The following DST variants were observed in gnomAD, a reference collection of about 807,000 sequenced individuals.
The protein encoded by DST is bullous pemphigoid antigen.
DST carries 253 observed loss-of-function variants against 875.2 expected under a neutral mutation model. That is an observed-to-expected ratio of 0.29 (90% CI 0.26 to 0.32). The LOEUF (loss-of-function observed/expected upper bound fraction) is 0.32, where lower values mean the gene tolerates loss of function less well. Ranked by LOEUF, DST falls within the 10% of genes least tolerant of loss-of-function variation. DST has a pLI of 1.00. For synonymous variants in DST, 3,124 were observed against 3,197.1 expected (o/e 0.98, Z 0.77); for missense variants, 8,287 against 9,111.6 (o/e 0.91, Z 3.68).
chr6:56,579,500 G>A (rs1372317604), intron 49 of DST, among the ~76,000 whole-genome samples: 1 of 152,090 alleles, frequency 6.6e-6, no homozygotes, highest in Non-Finnish European at 1.5e-5. Flanking sequence ...GGATTTTATG[G>A]TTCGAGGCAG....
At position 56,628,106 on chromosome 6, in the gene DST, G is replaced by T; in HGVS notation, c.4531C>A (p.His1511Asn). 1 of 1,613,664 alleles carries T rather than the reference G, an allele frequency of 6.2e-7. No homozygotes were observed. The highest frequency in any genetic ancestry group is 1.1e-5 in the South Asian group (1 of 91,066). The change falls in exon 33 of 104, where the codon CAT (histidine) becomes AAT (asparagine). Residue 1511 changes from histidine to asparagine, a missense_variant. By Grantham distance (68) the His-to-Asn change is moderately conservative (BLOSUM62 1). Transcript: ENST00000680361. ...TGCTGGATCCAATCATCTAAAGGATGGTAAGTGTCTCTGTAGTACTTCAGT... is the reference window on the plus strand; with the variant it reads ...TGCTGGATCCAATCATCTAAAGGATTGTAAGTGTCTCTGTAGTACTTCAGT... ...KSLKYYRDTY[H>N]PLDDWIQQVE...
intron 63 of DST, among the ~76,000 whole-genome samples, chr6:56,533,003 T>C (rs1176379562): frequency 6.6e-6 from 1 of 152,160 alleles, no homozygotes; most frequent in Non-Finnish European, 1.5e-5. Flanking sequence ...AGTTCACAAG[T>C]TAACAAGGCT....
At chr6:56,906,014 A>G (rs911270788) in intron 2 of DST, among the ~76,000 whole-genome samples, 4 of 152,196 alleles carry the variant, frequency 2.6e-5, no homozygotes, top group African/African-American at 9.6e-5. Flanking sequence ...TATCTTGGCT[A>G]CTGTGAAAAA....
rs376438027 is a variant in DST at position 56,560,319 on chromosome 6, T to C, written c.14415A>G (p.Arg4805=). ...EENPDTPEAP[R]WKQMLTEIDS... ...CTATTTCTGTCAACATCTGTTTCCA[T>C]CTGGGGGCCTCAGGAGTATCTGGGT... The change falls in exon 58 of 104, where the codon AGA becomes AGG. Residue 4805 remains arginine, a synonymous_variant. Coordinates refer to ENST00000680361, the MANE Select transcript of DST (RefSeq NM_001374736.1). The C allele has an allele frequency of 4.3e-6, 7 of 1,611,354 alleles. No homozygotes were observed. The highest frequency in any genetic ancestry group is 5.9e-6 in the Non-Finnish European group (7 of 1,178,668).
In DST at chr6:56,504,015, C is replaced by G. The variant is rs1238635699; in HGVS notation, c.19548G>C (p.Gln6516His). The change falls in exon 78 of 104, where the codon CAG becomes CAC. Residue 6516 changes from glutamine (Q) to histidine (H), a missense_variant. Transcript: ENST00000680361. Reference sequence around the variant, plus strand: ...CACATACCTTTAGCTCTTCAATCTGCTGCTTGACAGTTTCGAGATCTGTTC... The same window carrying G: ...CACATACCTTTAGCTCTTCAATCTGGTGCTTGACAGTTTCGAGATCTGTTC... ...PIGTDLETVKQQIEELKQFKS... is the reference protein window; with the variant it reads ...PIGTDLETVKHQIEELKQFKS... 6.2e-7 allele frequency: 1 copy of G among 1,608,210 alleles called. No individual in the cohort carries two copies. Among genetic ancestry groups the G allele is most frequent in the Non-Finnish European group, 8.5e-7 (1 of 1,177,550 alleles).
chr6:56,635,829 A>C (rs1563352235), intron 23 of DST, 115 bp from the exon 24 acceptor site: 1 of 1,098,892 alleles, frequency 9.1e-7, no homozygotes. Context: ...GAAGAGAATA[A>C]AAGCACAAGA....
At chr6:56,865,170 A>T (rs925827925) in intron 3 of DST, among the ~76,000 whole-genome samples, 4 of 152,186 alleles carry the variant, frequency 2.6e-5, no homozygotes, top group Admixed American at 2.6e-4. Flanking sequence ...CCTAACAGAA[A>T]CAGCCTAGCC....
chr6:56,827,176 G>C (rs1337011144), intron 4 of DST, among the ~76,000 whole-genome samples: 1 of 152,064 alleles, frequency 6.6e-6, no homozygotes, highest in Admixed American at 6.5e-5. Flanking sequence ...TTAAGTAAAG[G>C]TTAGGTCATC....
intron 4 of DST, among the ~76,000 whole-genome samples, chr6:56,762,904 G>A (rs1217414047): frequency 2.9e-5 from 4 of 139,750 alleles, no homozygotes; most frequent in African/African-American, 1.1e-4. Flanking sequence ...AGGCTGGAGT[G>A]CAACGGCGTG....
chr6:56,820,230 G>A (rs571105982), intron 4 of DST, among the ~76,000 whole-genome samples: 4 of 152,340 alleles, frequency 2.6e-5, no homozygotes, highest in African/African-American at 9.6e-5. Context: ...TCAAGTCATT[G>A]CTTTGAGGAT....
Position 56,828,860 on chromosome 6 carries a change from T to C in DST, c.625+22537A>G, listed in dbSNP as rs529692610. ...TTCTATAGTTCTGTACCCTATATTA[T>C]CCTATAGTTCTGTTAATGGGGAGGA... On this transcript the variant is annotated intron_variant, in intron 4 of 103. Coordinates refer to ENST00000680361, the MANE Select transcript of DST (RefSeq NM_001374736.1). Among the ~76,000 whole-genome samples, 215 of 152,260 alleles carry C rather than the reference T, an allele frequency of 1.4e-3. 1 individual carries two copies. Among genetic ancestry groups the C allele is most frequent in the African/African-American group, 4.9e-3 (204 of 41,550 alleles).
chr6:56,576,617 G>C (rs1330277677), intron 50 of DST, among the ~76,000 whole-genome samples: 2 of 152,168 alleles, frequency 1.3e-5, no homozygotes, highest in African/African-American at 4.8e-5. Context: ...GAAGTGTTCT[G>C]TGTCATGTTC....
chr6:56,484,122 T>A (rs2152425424), intron 88 of DST: 1 of 152,282 alleles, frequency 6.6e-6, no homozygotes, highest in East Asian at 1.9e-4. Context: ...GGCAATTACC[T>A]AGAGTAGTAA....
At chr6:56,632,151 A>C in intron 28 of DST, 111 bp from the exon 29 acceptor site, 1 of 734,570 alleles carries the variant, frequency 1.4e-6, no homozygotes, top group Non-Finnish European at 2.2e-6. Context: ...AGTCAAGCAA[A>C]TGATTCCTGT....
At chr6:56,778,280 G>A (rs895177141) in intron 4 of DST, among the ~76,000 whole-genome samples, 5 of 150,472 alleles carry the variant, frequency 3.3e-5, no homozygotes. Context: ...GTACAGAACT[G>A]AGGCAGAAAT....
chr6:56,946,062 T>C (rs575505567), intron 2 of DST, among the ~76,000 whole-genome samples: 54 of 152,166 alleles, frequency 3.5e-4, no homozygotes, highest in Non-Finnish European at 7.5e-4. Context: ...AAATTATATC[T>C]CAATAAAGCT....
Position 56,473,977 on chromosome 6 carries a change from T to C in DST, c.21890A>G (p.Lys7297Arg). The change falls in exon 93 of 104, where the codon AAA (lysine) becomes AGA (arginine). Residue 7297 changes from lysine (K) to arginine (R), a missense_variant. Coordinates refer to ENST00000680361, the MANE Select transcript of DST (RefSeq NM_001374736.1). ...HQTFMEEMTR[K>R]QPDVDKVTKT... ...CGTTACTTTATCAACATCAGGCTGTTTTCTGGTCATTTCCTCCATGAAGGT... is the reference window on the plus strand; with the variant it reads ...CGTTACTTTATCAACATCAGGCTGTCTTCTGGTCATTTCCTCCATGAAGGT... 6.3e-7 allele frequency: 1 copy of C among 1,579,152 alleles called. No homozygotes were observed. Among genetic ancestry groups the C allele is most frequent in the Non-Finnish European group, 8.6e-7 (1 of 1,160,194 alleles).
At position 56,645,046 on chromosome 6, in the gene DST, C is replaced by T. The variant is rs56903014; in HGVS notation, c.1778+820G>A. Among the ~76,000 whole-genome samples, 1,009 of 152,294 alleles carry T rather than the reference C, an allele frequency of 6.6e-3. 10 individuals carry two copies. Among genetic ancestry groups the T allele is most frequent in the African/African-American group, 0.023 (953 of 41,568 alleles). ...AAGATGTGACTTTGCTCCTCATTCG[C>T]CTTCCACCATGATTGTGAGGCCTCT... On this transcript the variant is annotated intron_variant, in intron 15 of 103. Transcript: ENST00000680361.
intron 3 of DST, among the ~76,000 whole-genome samples, chr6:56,869,568 A>G (rs1201307796): frequency 1.3e-5 from 2 of 152,154 alleles, no homozygotes; most frequent in African/African-American, 4.8e-5. Flanking sequence ...TGCCCATGTC[A>G]AGCTTGTGGC....
Sources: gnomAD v4.1 joint callset for allele counts (sites outside exome capture counted in the v4.1 genomes callset) on GRCh38, gnomAD v4.1.1 for gene constraint, MANE v1.5 for transcripts, NCBI Gene and HGNC (gene_info 2026-07-23, HGNC 2026-07-21) for gene names.